EPN2: variants seen among roughly 807,000 people sequenced by gnomAD.
EPN2 encodes the protein epsin-2.
EPN2 carries 34 observed loss-of-function variants against 61.7 expected under a neutral mutation model. The ratio of observed to expected loss-of-function variants is 0.55; its 90% CI spans 0.42 to 0.73. EPN2 has a LOEUF of 0.73. Among genes scored for constraint, EPN2 ranks in the 30% least tolerant of loss-of-function variants. The pLI is 0.00. For missense variants in EPN2, 714 were observed against 839.2 expected (o/e 0.85, Z 1.84); for synonymous variants, 349 against 353.6 (o/e 0.99, Z 0.15).
Position 19,307,922 on chromosome 17 carries a change from A to T in EPN2, c.767-1963A>T, listed in dbSNP as rs1239818685. 5 of 985,276 alleles carry T rather than the reference A, an allele frequency of 5.1e-6. No individual in the cohort carries two copies. The East Asian group carries it at 3.4e-4, about 67-fold the overall frequency. The allele number at this position is 985,276 out of a possible 1,614,324, so 61.0% of individuals were successfully genotyped here. ...GCCTCCTTTGTCAGGAATTATTCCT[A>T]ACCTTTTAGTTTCTCTCAAAGAGGA... is the stretch of plus-strand genomic sequence containing the variant. On this transcript the variant is annotated intron_variant, in intron 4 of 10. Coordinates refer to ENST00000314728, the MANE Select transcript of EPN2 (RefSeq NM_014964.5).
chr17:19,264,155 T>C (rs2045172557), intron 1 of EPN2, among the ~76,000 whole-genome samples: 1 of 152,194 alleles, frequency 6.6e-6, no homozygotes, highest in South Asian at 2.1e-4. Context: ...ATTTGGCCAA[T>C]GGAGATAAAA....
chr17:19,335,282 G>A lies in EPN2; in HGVS notation c.*1028G>A, dbSNP rs1223435984. ...AACTGATTGACTTTCAGCCTTTTTG[G>A]CTAGATCCTGAGAGGCTATTTTTCT... On this transcript the variant is annotated 3_prime_UTR_variant, in exon 11 of 11. Coordinates refer to ENST00000314728, the MANE Select transcript of EPN2 (RefSeq NM_014964.5). 4.1e-6 allele frequency: 4 copies of A among 964,110 alleles called. No homozygotes were observed. In the South Asian group the frequency reaches 6.3e-5, roughly 15 times the overall value. The allele number at this position is 964,110 out of a possible 1,614,324, so 59.7% of individuals were successfully genotyped here.
At chr17:19,264,484 A>G (rs888333882) in intron 1 of EPN2, among the ~76,000 whole-genome samples, 2 of 152,148 alleles carry the variant, frequency 1.3e-5, no homozygotes, top group Non-Finnish European at 2.9e-5. Flanking sequence ...CAGCTCTCTC[A>G]TGTTCCTTAT....
At chr17:19,284,718 C>T (rs765525715) in intron 3 of EPN2, among the ~76,000 whole-genome samples, 2 of 152,222 alleles carry the variant, frequency 1.3e-5, no homozygotes, top group Non-Finnish European at 2.9e-5. Flanking sequence ...AGACCATTTA[C>T]TAACATTTCC....
At chr17:19,259,671 C>T (rs117879645) in intron 1 of EPN2, among the ~76,000 whole-genome samples, 2,666 of 151,938 alleles carry the variant, frequency 0.018, 28 homozygotes, top group Non-Finnish European at 0.025. Flanking sequence ...TTGTTTTTTT[C>T]TCTTTTACAC....
At chr17:19,251,739 G>A (rs1311600054) in intron 1 of EPN2, among the ~76,000 whole-genome samples, 1 of 152,108 alleles carries the variant, frequency 6.6e-6, no homozygotes, top group East Asian at 1.9e-4. Context: ...CGGCCAGGTA[G>A]TTGAGTGTTG....
rs772230550 is a variant in EPN2 at position 19,289,724 on chromosome 17, G to GTTTTGTTTTT, written c.766+3938_766+3939insGTTTTTTTTT. Among the ~76,000 whole-genome samples, 34 of 78,042 alleles carry GTTTTGTTTTT rather than the reference G, an allele frequency of 4.4e-4. 1 individual carries two copies. The highest frequency in any genetic ancestry group is 1.8e-3 in the South Asian group (3 of 1,712). The allele number at this position is 78,042 out of a possible 152,430, so 51.2% of individuals were successfully genotyped here. ...TGTTCGGCCTCACCTGGCGCTCATG[G>GTTTTGTTTTT]TTTTTTTTTTTTTTTTTTTTGAGAT... On this transcript the variant is annotated intron_variant, in intron 4 of 10. Transcript: ENST00000314728.
Position 19,335,424 on chromosome 17 carries a change from A to G in EPN2, c.*1170A>G, listed in dbSNP as rs1273628629. On this transcript the variant is annotated 3_prime_UTR_variant, in exon 11 of 11. Transcript: ENST00000314728. ...TTAAAGGCATGCAGGGATTAACAGG[A>G]CTTCTGTTTACAATGGAAATCTGAA... The G allele has an allele frequency of 6.5e-7, 1 of 1,550,020 alleles. No individual in the cohort carries two copies. Among genetic ancestry groups the G allele is most frequent in the African/African-American group, 1.4e-5 (1 of 73,030 alleles).
intron 5 of EPN2, among the ~76,000 whole-genome samples, chr17:19,310,942 T>G (rs977311508): frequency 6.6e-6 from 1 of 152,048 alleles, no homozygotes; most frequent in Non-Finnish European, 1.5e-5. Flanking sequence ...GCAATTAGAG[T>G]GGCCTTACAA....
chr17:19,261,937 C>T (rs1221722751), intron 1 of EPN2, among the ~76,000 whole-genome samples: 9 of 152,218 alleles, frequency 5.9e-5, no homozygotes, highest in African/African-American at 2.2e-4. Flanking sequence ...CCTGTAATCC[C>T]AGGACTTTGG....
At chr17:19,263,812 TTA>T (rs2045168417) in intron 1 of EPN2, among the ~76,000 whole-genome samples, 1 of 152,168 alleles carries the variant, frequency 6.6e-6, no homozygotes, top group South Asian at 2.1e-4. Context: ...GGCCTTGGGC[TTA>T]TGTTTTCCTT....
At chr17:19,317,697 G>C (rs1906452505) in intron 7 of EPN2, among the ~76,000 whole-genome samples, 1 of 152,188 alleles carries the variant, frequency 6.6e-6, no homozygotes, top group South Asian at 2.1e-4. Context: ...ATTCACTTGA[G>C]CTTTCAACAA....
At chr17:19,278,575 G>A (rs916410380) in intron 1 of EPN2, among the ~76,000 whole-genome samples, 2 of 152,156 alleles carry the variant, frequency 1.3e-5, no homozygotes, top group South Asian at 4.1e-4. Flanking sequence ...TCCACAACAC[G>A]TGGGAATTCT....
At chr17:19,293,004 C>A (rs1468964893) in intron 4 of EPN2, among the ~76,000 whole-genome samples, 4 of 152,204 alleles carry the variant, frequency 2.6e-5, no homozygotes, top group African/African-American at 9.6e-5. Context: ...TAGGCAAATA[C>A]GGTGTACACC....
At chr17:19,297,510 T>C (rs1260726603) in intron 4 of EPN2, among the ~76,000 whole-genome samples, 1 of 152,268 alleles carries the variant, frequency 6.6e-6, no homozygotes, top group Admixed American at 6.5e-5. Flanking sequence ...TTTCAGGGGC[T>C]TGCAGCTGGT....
At chr17:19,250,606 T>C (rs952000575) in intron 1 of EPN2, among the ~76,000 whole-genome samples, 9 of 152,172 alleles carry the variant, frequency 5.9e-5, no homozygotes, top group Non-Finnish European at 1.3e-4. Context: ...GGGCCTGTAC[T>C]GTTGCCTGGT....
intron 4 of EPN2, among the ~76,000 whole-genome samples, chr17:19,289,305 T>G (rs368306460): frequency 6.6e-6 from 1 of 151,940 alleles, no homozygotes; most frequent in Non-Finnish European, 1.5e-5. Context: ...AGGATGGTCT[T>G]GATCTCCTGA....
intron 1 of EPN2, among the ~76,000 whole-genome samples, chr17:19,237,810 C>T (rs2044832799): frequency 6.6e-6 from 1 of 152,082 alleles, no homozygotes; most frequent in African/African-American, 2.4e-5. Context: ...TCCCTATCAC[C>T]GAGCATCTCC....
At chr17:19,331,106 T>A (rs1907138296) in intron 9 of EPN2, among the ~76,000 whole-genome samples, 1 of 152,250 alleles carries the variant, frequency 6.6e-6, no homozygotes, top group Non-Finnish European at 1.5e-5. Flanking sequence ...TGAAAACATC[T>A]TCTCATGACT....
Sources: gnomAD v4.1 joint callset for allele counts (sites outside exome capture counted in the v4.1 genomes callset) on GRCh38, gnomAD v4.1.1 for gene constraint, MANE v1.5 for transcripts, NCBI Gene and HGNC (gene_info 2026-07-23, HGNC 2026-07-21) for gene names.